Variants in IWS1 observed in about 807,000 individuals in gnomAD.
IWS1 encodes interacts with SUPT6H, CTD assembly factor 1.
In IWS1, 27 loss-of-function variants were observed where a neutral mutation model predicts 86.7. That is an observed-to-expected ratio of 0.31 (90% CI 0.23 to 0.43). IWS1 has a LOEUF of 0.43. IWS1 is among the 20% of genes least tolerant of loss of function. The pLI is 1.00. For missense variants in IWS1, 827 were observed against 1,000.8 expected (o/e 0.83, Z 2.34); for synonymous variants, 313 against 335.1 (o/e 0.93, Z 0.72).
chr2:127,491,336 T>C (rs995743886), intron 10 of IWS1, among the ~76,000 whole-genome samples: 1 of 152,234 alleles, frequency 6.6e-6, no homozygotes, highest in Non-Finnish European at 1.5e-5. Context: ...AGGTAGGTGG[T>C]GGATTCATGA....
chr2:127,481,378 T>C (rs932298302), intron 13 of IWS1, among the ~76,000 whole-genome samples: 4 of 152,098 alleles, frequency 2.6e-5, no homozygotes, highest in Admixed American at 2.0e-4. Context: ...TGAAGAATAA[T>C]TCTGTTGTCT....
chr2:127,497,606 C>T (rs1284300008), intron 6 of IWS1, among the ~76,000 whole-genome samples: 1 of 152,156 alleles, frequency 6.6e-6, no homozygotes, highest in Admixed American at 6.5e-5. Context: ...CAAACTCATT[C>T]AGTTTAATTA....
At chr2:127,503,644 T>C in intron 3 of IWS1, 68 bp from the exon 4 acceptor site, 1 of 938,302 alleles carries the variant, frequency 1.1e-6, no homozygotes, top group Non-Finnish European at 1.5e-6. Flanking sequence ...GCATAACAGG[T>C]GCTTTAAGAT....
chr2:127,487,186 GT>G (rs1689973561), intron 12 of IWS1, among the ~76,000 whole-genome samples: 1 of 152,136 alleles, frequency 6.6e-6, no homozygotes, highest in South Asian at 2.1e-4. Flanking sequence ...TTCAAATGAA[GT>G]TGTAAAAAAT....
intron 1 of IWS1, among the ~76,000 whole-genome samples, chr2:127,524,240 A>G (rs1692263068): frequency 6.6e-6 from 1 of 152,250 alleles, no homozygotes; most frequent in African/African-American, 2.4e-5. Flanking sequence ...CTAGTACCTG[A>G]TATACAGTAA....
Position 127,489,349 on chromosome 2 carries a change from G to A in IWS1, c.2160-114C>T. ...AACTATTAATAGCTCTTTTACGATG[G>A]ATCAGGGAAAATAATTCCTAATCTT... is the stretch of plus-strand genomic sequence containing the variant. On this transcript the variant is annotated intron_variant, in intron 11 of 13. Coordinates refer to ENST00000295321, the MANE Select transcript of IWS1 (RefSeq NM_017969.3). This position sits in a 1 kb window ranked among gnomAD's most constrained non-coding sequence, Gnocchi z 4.8. The A allele has an allele frequency of 1.5e-6, 1 of 687,388 alleles. No individual in the cohort carries two copies. Among genetic ancestry groups the A allele is most frequent in the South Asian group, 1.8e-5 (1 of 55,356 alleles). 42.6% of individuals were successfully genotyped at this position (687,388 alleles called of 1,614,324 possible).
rs568291521 is a variant in IWS1, at chr2:127,521,338, T to C, written c.150+2338A>G. Among the ~76,000 whole-genome samples, 36 of 152,336 alleles carry C rather than the reference T, an allele frequency of 2.4e-4. No homozygotes were observed. In the South Asian group the frequency reaches 3.7e-3, roughly 16 times the overall value. ...TAGACGTCATATACCTGGGACAGAATGAAACTGCAGGATAAATAATGTGAA... is the reference window on the plus strand; with the variant it reads ...TAGACGTCATATACCTGGGACAGAACGAAACTGCAGGATAAATAATGTGAA... On this transcript the variant is annotated intron_variant, in intron 2 of 13. Transcript: ENST00000295321.
Position 127,491,154 on chromosome 2 carries a change from G to C in IWS1, c.2047+817C>G, listed in dbSNP as rs948744175. On this transcript the variant is annotated intron_variant, in intron 10 of 13. Coordinates refer to ENST00000295321, the MANE Select transcript of IWS1 (RefSeq NM_017969.3). ...AAATAAGAACATGCAAAAAGGTTTT[G>C]AAGACCATTGTGCAAGTAACAACAA... 1.1e-4 allele frequency among the ~76,000 whole-genome samples: 16 copies of C among 152,348 alleles called. No individual in the cohort carries two copies. The Middle Eastern group carries it at 0.01, about 97-fold the overall frequency.
chr2:127,504,207 C>G (rs1215988390), intron 3 of IWS1, among the ~76,000 whole-genome samples: 1 of 152,214 alleles, frequency 6.6e-6, no homozygotes, highest in African/African-American at 2.4e-5. Flanking sequence ...GAGATGGTGT[C>G]TCTAAATAGA....
chr2:127,501,157 CTTTCCTTCTGTA>C (rs1690786781), intron 5 of IWS1, among the ~76,000 whole-genome samples: 1 of 152,086 alleles, frequency 6.6e-6, no homozygotes, highest in African/African-American at 2.4e-5. Context: ...TCTTGCATTT[CTTTCCTTCTGTA>C]TTTCCTTCAG....
intron 13 of IWS1, chr2:127,484,647 T>C (rs964723137): frequency 6.6e-6 from 1 of 152,236 alleles, no homozygotes; most frequent in African/African-American, 2.4e-5. Context: ...CTTTGCCATA[T>C]TGTAGTTCCC....
At chr2:127,526,645 G>A, upstream of IWS1, 1 of 1,326,384 alleles carries the variant, frequency 7.5e-7, no homozygotes, top group Non-Finnish European at 1.0e-6. Flanking sequence ...CCTTCCTCGG[G>A]TGGATCCTGG....
At chr2:127,496,286 C>G (rs1319177954) in intron 6 of IWS1, 138 bp from the exon 7 acceptor site, 1 of 906,330 alleles carries the variant, frequency 1.1e-6, no homozygotes, top group Admixed American at 2.8e-5. Flanking sequence ...CAAATACAGT[C>G]ATGCGCCGCA....
Position 127,493,356 on chromosome 2 carries a change from T to C in IWS1, c.1854A>G (p.Glu618=). 1 of 1,613,712 alleles carries C rather than the reference T, an allele frequency of 6.2e-7. No individual in the cohort carries two copies. The change falls in exon 9 of 14, where the codon GAA becomes GAG. Residue 618 remains glutamate (E), a synonymous_variant. Coordinates refer to ENST00000295321, the MANE Select transcript of IWS1 (RefSeq NM_017969.3). ...IDSGVMSAIK[E]WLSPLPDRSL... ...TCCTATCTGGTAGAGGTGAGAGCCA[T>C]TCTTTGATGGCAGACATCACACCAC...
intron 2 of IWS1, among the ~76,000 whole-genome samples, chr2:127,513,912 G>A (rs1223063718): frequency 2.0e-5 from 3 of 152,080 alleles, no homozygotes; most frequent in Non-Finnish European, 4.4e-5. Context: ...ACAGCAGGAA[G>A]CAGACAAATT....
chr2:127,521,851 T>C (rs1692113532), intron 2 of IWS1, among the ~76,000 whole-genome samples: 1 of 152,206 alleles, frequency 6.6e-6, no homozygotes. Flanking sequence ...AAAACAAAGA[T>C]GCTTAGGGTA....
Position 127,481,798 on chromosome 2 carries a change from G to A in IWS1, c.2329-623C>T, listed in dbSNP as rs1375883551. On this transcript the variant is annotated intron_variant, in intron 13 of 13. Coordinates refer to ENST00000295321, the MANE Select transcript of IWS1 (RefSeq NM_017969.3). ...ACTGCTGAGAGAAGGAAATGAGATA[G>A]TGATGTCAGATCCAAGCACAGAGGC... 2.6e-5 allele frequency among the ~76,000 whole-genome samples: 4 copies of A among 152,284 alleles called. No homozygotes were observed. The East Asian group carries it at 7.7e-4, about 29-fold the overall frequency.
intron 10 of IWS1, 67 bp downstream of exon 10, chr2:127,491,904 T>C (rs1429799966): frequency 2.1e-6 from 2 of 932,022 alleles, no homozygotes; most frequent in Admixed American, 3.6e-5. Context: ...ATACAGCTTT[T>C]ATATATACGC....
chr2:127,486,661 A>G lies in IWS1; in HGVS notation c.2220T>C (p.Ala740=), dbSNP rs763763712. 2.5e-6 allele frequency: 4 copies of G among 1,613,284 alleles called. No individual in the cohort carries two copies. Among genetic ancestry groups the G allele is most frequent in the South Asian group, 2.2e-5 (2 of 91,064 alleles). Residue 740 remains alanine, a synonymous_variant, in exon 13 of 14, where the codon GCT becomes GCC. Coordinates refer to ENST00000295321, the MANE Select transcript of IWS1 (RefSeq NM_017969.3). The part of the protein sequence containing the change: ...LEKVLTGEEK[A]LRPGDPGFCA... ...AGAATCCAGGATCTCCAGGTCTAAGAGCCCTGAAAAAGGGAAGAGGAAGAG... is the reference window on the plus strand; with the variant it reads ...AGAATCCAGGATCTCCAGGTCTAAGGGCCCTGAAAAAGGGAAGAGGAAGAG...
Sources: gnomAD v4.1 joint callset for allele counts (sites outside exome capture counted in the v4.1 genomes callset) on GRCh38, gnomAD v4.1.1 for gene constraint, Gnocchi (gnomAD v3.1) non-coding constraint, MANE v1.5 for transcripts, NCBI Gene and HGNC (gene_info 2026-07-23, HGNC 2026-07-21) for gene names.